Variants in PEPD observed in about 807,000 individuals in gnomAD.
PEPD encodes xaa-Pro dipeptidase.
PEPD carries 53 observed loss-of-function variants against 60.7 expected under a neutral mutation model. The observed-to-expected ratio is 0.87, with a 90% CI of 0.70 to 1.10. PEPD has a LOEUF of 1.10. Among genes scored for constraint, PEPD ranks in the 50% least tolerant of loss-of-function variants. The probability of loss-of-function intolerance (pLI) is 0.00; values close to 1 mark genes in which losing one functional copy is unlikely to be tolerated. For synonymous variants in PEPD, 267 were observed against 284.1 expected (o/e 0.94, Z 0.60); for missense variants, 711 against 711.9 (o/e 1.00, Z 0.01).
chr19:33,474,852 T>C (rs773331413), intron 7 of PEPD, among the ~76,000 whole-genome samples: 3 of 151,806 alleles, frequency 2.0e-5, no homozygotes, highest in Admixed American at 6.6e-5. Flanking sequence ...TGGTGGCGTG[T>C]ACCTGGAGTC....
chr19:33,399,408 T>C (rs956296324), intron 12 of PEPD, among the ~76,000 whole-genome samples: 1 of 152,218 alleles, frequency 6.6e-6, no homozygotes, highest in African/African-American at 2.4e-5. Flanking sequence ...TTCTGTCCTG[T>C]CTTCCTTTTG....
intron 9 of PEPD, among the ~76,000 whole-genome samples, chr19:33,447,540 C>T (rs1215587944): frequency 6.6e-6 from 1 of 152,240 alleles, no homozygotes; most frequent in African/African-American, 2.4e-5. Flanking sequence ...AAGTCTGAGG[C>T]CTGTCACTGA....
At chr19:33,461,184 G>C (rs1294565677) in intron 9 of PEPD, among the ~76,000 whole-genome samples, 2 of 152,174 alleles carry the variant, frequency 1.3e-5, no homozygotes, top group Non-Finnish European at 1.5e-5. Context: ...CAGGTGCTAT[G>C]ACACGATGTC....
intron 9 of PEPD, among the ~76,000 whole-genome samples, chr19:33,419,474 T>C (rs534074775): frequency 6.6e-6 from 1 of 152,328 alleles, no homozygotes; most frequent in South Asian, 2.1e-4. Context: ...GCACAGAGGA[T>C]GCTGCAGTCA....
chr19:33,430,935 T>C (rs1969258650), intron 9 of PEPD, among the ~76,000 whole-genome samples: 1 of 152,144 alleles, frequency 6.6e-6, no homozygotes, highest in African/African-American at 2.4e-5. Flanking sequence ...AGTGTATCTC[T>C]GTTTTGATAC....
chr19:33,390,259 C>T (rs191694717), intron 13 of PEPD, among the ~76,000 whole-genome samples: 16 of 152,320 alleles, frequency 1.1e-4, no homozygotes, highest in Non-Finnish European at 1.9e-4. Context: ...AGCGCTTTGG[C>T]GACTAATGAA....
chr19:33,402,060 C>T (rs1427591464), intron 11 of PEPD, among the ~76,000 whole-genome samples, 191 bp from the exon 12 acceptor site: 3 of 152,178 alleles, frequency 2.0e-5, no homozygotes, highest in Non-Finnish European at 2.9e-5. Context: ...CAAGGAAACC[C>T]GAAGCCATCC....
At chr19:33,512,897 G>A (rs1970956762) in intron 1 of PEPD, 121 bp from the exon 2 acceptor site, 6 of 1,053,702 alleles carry the variant, frequency 5.7e-6, no homozygotes, top group Admixed American at 1.9e-5. Context: ...TCAGCACGGG[G>A]CAAGCTGCCC....
intron 1 of PEPD, among the ~76,000 whole-genome samples, chr19:33,517,171 A>G (rs1415266271): frequency 1.3e-5 from 2 of 152,058 alleles, no homozygotes; most frequent in African/African-American, 2.4e-5. Flanking sequence ...ACAGGGCGAG[A>G]CCCTGTCTCA....
chr19:33,426,592 A>T (rs577241784), intron 9 of PEPD, among the ~76,000 whole-genome samples: 1 of 152,084 alleles, frequency 6.6e-6, no homozygotes, highest in South Asian at 2.1e-4. Flanking sequence ...GTCCACATGG[A>T]CTCACAGCCA....
At chr19:33,448,290 T>G (rs570989983) in intron 9 of PEPD, among the ~76,000 whole-genome samples, 1 of 152,296 alleles carries the variant, frequency 6.6e-6, no homozygotes, top group African/African-American at 2.4e-5. Context: ...CCTCACTAGA[T>G]GCGCCCAGGA....
intron 6 of PEPD, among the ~76,000 whole-genome samples, chr19:33,486,091 C>A (rs571830224): frequency 7.2e-5 from 11 of 152,104 alleles, no homozygotes; most frequent in Admixed American, 3.9e-4. Context: ...CCTGCCCTAA[C>A]GTCTACCTCC....
At chr19:33,404,585 G>C (rs1448761090) in intron 11 of PEPD, among the ~76,000 whole-genome samples, 3 of 152,124 alleles carry the variant, frequency 2.0e-5, no homozygotes, top group Non-Finnish European at 2.9e-5. Flanking sequence ...CCAAACTCCC[G>C]CCAGCAAAGC....
At chr19:33,414,731 T>A (rs1968852392) in intron 9 of PEPD, among the ~76,000 whole-genome samples, 1 of 152,200 alleles carries the variant, frequency 6.6e-6, no homozygotes, top group African/African-American at 2.4e-5. Flanking sequence ...ACACAAATTA[T>A]GTATAATTGT....
chr19:33,467,311 C>T lies in PEPD; in HGVS notation c.549-3249G>A, dbSNP rs112559058. 1.2e-4 allele frequency among the ~76,000 whole-genome samples: 18 copies of T among 152,162 alleles called. 4 individuals are homozygous for T. The highest frequency in any genetic ancestry group is 4.3e-4 in the African/African-American group (18 of 41,540). On this transcript the variant is annotated intron_variant, in intron 7 of 14. Coordinates refer to ENST00000244137, the MANE Select transcript of PEPD (RefSeq NM_000285.4). ...GATACATTCCTTAGTTCTGCATAGACCACGGTCACAGTCATCATAGAAACA... is the reference window on the plus strand; with the variant it reads ...GATACATTCCTTAGTTCTGCATAGATCACGGTCACAGTCATCATAGAAACA...
chr19:33,466,328 T>C (rs2145277376), intron 7 of PEPD, among the ~76,000 whole-genome samples: 1 of 152,352 alleles, frequency 6.6e-6, no homozygotes, highest in South Asian at 2.1e-4. Context: ...GGTAGATTAC[T>C]CTCCAGGTCA....
At position 33,411,696 on chromosome 19, in the gene PEPD, C is replaced by A; in HGVS notation, c.794G>T (p.Arg265Leu). 6.2e-7 allele frequency: 1 copy of A among 1,609,296 alleles called. No homozygotes were observed. The highest frequency in any genetic ancestry group is 1.3e-5 in the African/African-American group (1 of 74,954). ...CCACATATCCCCATTCTGGATCGTT[C>A]GGTCGTTGGGAGCTCCGGCGTGTCC... ...HYGHAGAPND[R>L]TIQNGDMCLF... The change falls in exon 11 of 15, where the codon CGA becomes CTA. Residue 265 changes from arginine (R) to leucine (L), a missense_variant. Arg to Leu is a moderately radical substitution (Grantham distance 102, BLOSUM62 -2). Coordinates refer to ENST00000244137, the MANE Select transcript of PEPD (RefSeq NM_000285.4).
rs113161282 is a variant in PEPD at position 33,410,528 on chromosome 19, T to C, written c.818+1144A>G. ...GGTGGGCTCCCACGACTACCTGCTG[T>C]AGGGTGAGGCGGGGTCCAGGCCGGT... On this transcript the variant is annotated intron_variant, in intron 11 of 14. Transcript: ENST00000244137. Among the ~76,000 whole-genome samples, 896 of 152,216 alleles carry C rather than the reference T, an allele frequency of 5.9e-3. 9 individuals carry two copies. Among genetic ancestry groups the C allele is most frequent in the African/African-American group, 0.02 (847 of 41,538 alleles).
At chr19:33,490,220 C>T (rs1970473411) in intron 5 of PEPD, among the ~76,000 whole-genome samples, 163 bp from the exon 6 acceptor site, 1 of 152,202 alleles carries the variant, frequency 6.6e-6, no homozygotes, top group African/African-American at 2.4e-5. Context: ...GGCCCGGCCC[C>T]AACACAAGGA....
Sources: gnomAD v4.1 joint callset for allele counts (sites outside exome capture counted in the v4.1 genomes callset) on GRCh38, gnomAD v4.1.1 for gene constraint, MANE v1.5 for transcripts, NCBI Gene and HGNC (gene_info 2026-07-23, HGNC 2026-07-21) for gene names.